The following NDUFAF6 variants were observed in gnomAD, a reference collection of about 807,000 sequenced individuals.
NDUFAF6 encodes NADH dehydrogenase (ubiquinone) complex I, assembly factor 6.
In NDUFAF6, 45 loss-of-function variants were observed where a neutral mutation model predicts 40.8. That is an observed-to-expected ratio of 1.10 (90% CI 0.87 to 1.42). The LOEUF is 1.42. Ranked by LOEUF, NDUFAF6 falls within the 40% of genes most tolerant of loss-of-function variation. The probability of loss-of-function intolerance (pLI) is 0.00; values close to 1 mark genes in which losing one functional copy is unlikely to be tolerated. For synonymous variants in NDUFAF6, 185 were observed against 155.9 expected (o/e 1.19, Z -1.39); for missense variants, 435 against 418.5 (o/e 1.04, Z -0.34).
At chr8:95,054,248 C>G (rs971529736) in intron 8 of NDUFAF6, among the ~76,000 whole-genome samples, 1 of 151,704 alleles carries the variant, frequency 6.6e-6, no homozygotes, top group African/African-American at 2.4e-5. Context: ...TGCCCAGCCC[C>G]CTTTAGTTTT....
chr8:95,115,878 C>T (rs1313833645), intron 5 of NDUFAF6: 1 of 152,320 alleles, frequency 6.6e-6, no homozygotes, highest in Non-Finnish European at 1.5e-5. Flanking sequence ...TGGCTCACGC[C>T]TGTAATCTCA....
At chr8:95,114,672 T>C (rs1336292935) in intron 4 of NDUFAF6, among the ~76,000 whole-genome samples, 2 of 152,230 alleles carry the variant, frequency 1.3e-5, no homozygotes, top group Non-Finnish European at 2.9e-5. Flanking sequence ...ATAATCTCTT[T>C]CATTCACCCG....
intron 2 of NDUFAF6, among the ~76,000 whole-genome samples, chr8:95,018,779 G>A (rs1827572616): frequency 6.6e-6 from 1 of 152,184 alleles, no homozygotes; most frequent in Non-Finnish European, 1.5e-5. Context: ...GAAGAAAGAA[G>A]AAGAAATGAC....
chr8:94,931,263 G>T (rs892808672), intron 1 of NDUFAF6, among the ~76,000 whole-genome samples: 33 of 152,044 alleles, frequency 2.2e-4, no homozygotes, highest in Admixed American at 1.0e-3. Flanking sequence ...TTTGCATATG[G>T]AAATTCTACT....
At chr8:94,949,991 C>T (rs542028016) in intron 2 of NDUFAF6, 1 of 152,680 alleles carries the variant, frequency 6.5e-6, no homozygotes, top group Non-Finnish European at 1.5e-5. Context: ...GAAACCGCCA[C>T]CGAGAGCCGG....
downstream of NDUFAF6, among the ~76,000 whole-genome samples, chr8:95,062,719 T>C (rs945089969): frequency 6.6e-6 from 1 of 152,244 alleles, no homozygotes; most frequent in African/African-American, 2.4e-5. Flanking sequence ...ATGCCTGTTG[T>C]CTTTTAACTA....
intron 1 of NDUFAF6, among the ~76,000 whole-genome samples, chr8:94,921,152 T>C (rs1192377184): frequency 2.0e-5 from 3 of 152,210 alleles, no homozygotes; most frequent in South Asian, 2.1e-4. Flanking sequence ...GATCAAGATA[T>C]TAAATTATGT....
upstream of NDUFAF6, among the ~76,000 whole-genome samples, chr8:94,957,194 A>G (rs1823158001): frequency 6.6e-6 from 1 of 152,166 alleles, no homozygotes; most frequent in African/African-American, 2.4e-5. Flanking sequence ...ATGGGGAGAA[A>G]CAAAGAAAGG....
At chr8:94,904,268 C>T (rs576728288) in intron 1 of NDUFAF6, among the ~76,000 whole-genome samples, 175 of 147,732 alleles carry the variant, frequency 1.2e-3, no homozygotes, top group Non-Finnish European at 2.3e-3. Context: ...CTCAGCCTCC[C>T]GAGTAGCTGG....
At chr8:95,009,819 T>C (rs1431153698) in intron 2 of NDUFAF6, among the ~76,000 whole-genome samples, 1 of 152,214 alleles carries the variant, frequency 6.6e-6, no homozygotes, top group Non-Finnish European at 1.5e-5. Context: ...ATCCCTCTAT[T>C]GAACACACAG....
intron 1 of NDUFAF6, among the ~76,000 whole-genome samples, chr8:95,031,748 A>G (rs1001071072): frequency 3.3e-5 from 5 of 152,116 alleles, no homozygotes; most frequent in Non-Finnish European, 7.4e-5. Flanking sequence ...TTAGAGGCAC[A>G]TGCCACCATG....
downstream of NDUFAF6, among the ~76,000 whole-genome samples, chr8:95,080,037 A>AT (rs1356907792): frequency 2.5e-5 from 2 of 79,286 alleles, 1 homozygote; most frequent in East Asian, 1.3e-3. Context: ...TTTGTAGCGT[A>AT]TTTTTTGTAG....
chr8:95,067,376 A>C (rs1404008267), intron 9 of NDUFAF6: 4 of 152,056 alleles, frequency 2.6e-5, no homozygotes, highest in Non-Finnish European at 4.4e-5. Flanking sequence ...GCAGCTGGGC[A>C]GCTTGGGTTT....
intron 2 of NDUFAF6, among the ~76,000 whole-genome samples, chr8:95,006,668 C>G (rs1477255184): frequency 2.6e-5 from 4 of 151,980 alleles, no homozygotes; most frequent in Non-Finnish European, 5.9e-5. Context: ...ATCGCTTGAG[C>G]TTAAGAGTTC....
At chr8:94,928,927 T>C (rs1009269798) in intron 1 of NDUFAF6, 1 of 152,666 alleles carries the variant, frequency 6.6e-6, no homozygotes, top group African/African-American at 2.4e-5. Flanking sequence ...AGCTGTTTGA[T>C]TATGAAGGCA....
Position 95,042,160 on chromosome 8 carries a change from G to T in NDUFAF6, c.477+534G>T, listed in dbSNP as rs139575246. 3.1e-4 allele frequency among the ~76,000 whole-genome samples: 47 copies of T among 152,280 alleles called. No homozygotes were observed. In the East Asian group the frequency reaches 8.7e-3, roughly 28 times the overall value. ...ATAGTAGAGGGCATAAAGAAAGTCTGACAGTTCCAGTGAATGGAATCCTGT... is the reference window on the plus strand; with the variant it reads ...ATAGTAGAGGGCATAAAGAAAGTCTTACAGTTCCAGTGAATGGAATCCTGT... On this transcript the variant is annotated intron_variant, in intron 4 of 8. Transcript: ENST00000396124.
chr8:95,108,414 G>A (rs1019416075), downstream of NDUFAF6, among the ~76,000 whole-genome samples: 1 of 152,148 alleles, frequency 6.6e-6, no homozygotes, highest in Non-Finnish European at 1.5e-5. Context: ...TATTATGCAT[G>A]AGCCTCAAAG....
intron 1 of NDUFAF6, among the ~76,000 whole-genome samples, chr8:94,901,703 T>G (rs939295227): frequency 2.0e-5 from 3 of 152,166 alleles, no homozygotes; most frequent in Non-Finnish European, 2.9e-5. Context: ...TGCCTCAGCC[T>G]CCCAAGTAGC....
chr8:94,956,513 T>G (rs901323311), upstream of NDUFAF6, among the ~76,000 whole-genome samples: 1 of 151,834 alleles, frequency 6.6e-6, no homozygotes, highest in Admixed American at 6.6e-5. Context: ...ATCAGAGAGG[T>G]GGGCAGGGTC....
Sources: allele counts gnomAD v4.1 joint callset (sites outside exome capture counted in the v4.1 genomes callset), GRCh38; gene constraint gnomAD v4.1.1; transcripts MANE v1.5; gene names NCBI Gene and HGNC (gene_info 2026-07-23, HGNC 2026-07-21).